Variants in RBFOX1 observed in about 807,000 individuals in gnomAD.
RBFOX1 encodes RNA binding protein fox-1 homolog 1.
A neutral mutation model predicts 57.7 loss-of-function variants in RBFOX1; 8 were observed. The ratio of observed to expected loss-of-function variants is 0.14; its 90% CI spans 0.08 to 0.25. RBFOX1 has a LOEUF of 0.25. Ranked by LOEUF, RBFOX1 falls within the 10% of genes least tolerant of loss-of-function variation. The pLI, the probability that RBFOX1 is intolerant of heterozygous loss-of-function variation, is 1.00. For missense variants in RBFOX1, 611 were observed against 548.5 expected (o/e 1.11, Z -1.14); for synonymous variants, 326 against 222.4 (o/e 1.47, Z -4.15).
chr16:5,360,897 A>G (rs1177346954), intron 1 of RBFOX1, among the ~76,000 whole-genome samples: 1 of 152,178 alleles, frequency 6.6e-6, no homozygotes, highest in East Asian at 1.9e-4. Flanking sequence ...CAGCAGCACA[A>G]GCACATCAAG....
At chr16:7,065,660 A>G (rs968962365) in intron 4 of RBFOX1, among the ~76,000 whole-genome samples, 1 of 152,166 alleles carries the variant, frequency 6.6e-6, no homozygotes, top group South Asian at 2.1e-4. Context: ...TTAGGGTAAG[A>G]ATACTTAAAA....
At chr16:6,704,204 G>A (rs551891251) in intron 3 of RBFOX1, 29 of 152,318 alleles carry the variant, frequency 1.9e-4, no homozygotes, top group African/African-American at 5.8e-4. Flanking sequence ...TCATGCAGGA[G>A]TTAAAAACCT....
intron 4 of RBFOX1, among the ~76,000 whole-genome samples, chr16:7,059,594 C>T (rs2053605469): frequency 6.6e-6 from 1 of 152,086 alleles, no homozygotes; most frequent in Non-Finnish European, 1.5e-5. Context: ...ACAAGAGATG[C>T]TGTGTAAAAG....
At chr16:6,851,572 T>G (rs535490057) in intron 3 of RBFOX1, among the ~76,000 whole-genome samples, 1 of 152,334 alleles carries the variant, frequency 6.6e-6, no homozygotes, top group African/African-American at 2.4e-5. Context: ...CTCTGCCAAA[T>G]TGTAAGAGCT....
At chr16:6,308,210 T>C (rs1474288588) in intron 1 of RBFOX1, among the ~76,000 whole-genome samples, 1 of 152,170 alleles carries the variant, frequency 6.6e-6, no homozygotes, top group Non-Finnish European at 1.5e-5. Flanking sequence ...TATTTATCTA[T>C]TTGGATGGTT....
chr16:5,609,030 T>C (rs2047683969), intron 3 of RBFOX1, among the ~76,000 whole-genome samples: 1 of 152,196 alleles, frequency 6.6e-6, no homozygotes, highest in Non-Finnish European at 1.5e-5. Flanking sequence ...ACACATAGCT[T>C]TTAATCAAGA....
chr16:6,365,779 T>C (rs2089492245), intron 2 of RBFOX1, among the ~76,000 whole-genome samples: 1 of 152,218 alleles, frequency 6.6e-6, no homozygotes, highest in Admixed American at 6.5e-5. Flanking sequence ...TTAACCTCAG[T>C]ATCCATGTCT....
intron 1 of RBFOX1, among the ~76,000 whole-genome samples, chr16:6,025,507 G>C (rs1486088414): frequency 6.6e-6 from 1 of 152,160 alleles, no homozygotes; most frequent in Non-Finnish European, 1.5e-5. Context: ...ATGTGTTCTT[G>C]TGTGCCTGCA....
At chr16:6,390,459 G>A (rs1452010305) in intron 2 of RBFOX1, among the ~76,000 whole-genome samples, 1 of 152,008 alleles carries the variant, frequency 6.6e-6, no homozygotes, top group Non-Finnish European at 1.5e-5. Flanking sequence ...ACTTCAGTGT[G>A]CCGGGCACTG....
At chr16:5,604,005 G>A (rs946749390), downstream of RBFOX1, among the ~76,000 whole-genome samples, 10 of 148,988 alleles carry the variant, frequency 6.7e-5, no homozygotes, top group Non-Finnish European at 1.5e-4. Context: ...GCAGACATTA[G>A]TAATCAATGG....
intron 2 of RBFOX1, among the ~76,000 whole-genome samples, chr16:6,499,720 A>G (rs999712656): frequency 1.3e-5 from 2 of 152,010 alleles, no homozygotes; most frequent in African/African-American, 4.8e-5. Context: ...CCCCTGATTT[A>G]TTGTGCAATC....
intron 2 of RBFOX1, among the ~76,000 whole-genome samples, chr16:5,477,815 C>G (rs2069384640): frequency 6.6e-6 from 1 of 152,166 alleles, no homozygotes; most frequent in Admixed American, 6.5e-5. Flanking sequence ...GACGTGTTGT[C>G]TCACTGAAGG....
At chr16:6,049,490 A>T (rs2095530256) in intron 1 of RBFOX1, among the ~76,000 whole-genome samples, 1 of 152,134 alleles carries the variant, frequency 6.6e-6, no homozygotes, top group African/African-American at 2.4e-5. Flanking sequence ...GTCTCATGCT[A>T]CTAGTCTTAA....
chr16:5,809,623 AG>A (rs1341789696), intron 3 of RBFOX1, among the ~76,000 whole-genome samples: 3 of 152,242 alleles, frequency 2.0e-5, no homozygotes, highest in Admixed American at 6.5e-5. Context: ...AACCACGATG[AG>A]ATACCATCTC....
At chr16:7,259,295 C>G (rs1340861162) in intron 4 of RBFOX1, among the ~76,000 whole-genome samples, 5 of 152,166 alleles carry the variant, frequency 3.3e-5, no homozygotes, top group African/African-American at 1.2e-4. Context: ...GGCTTAAACC[C>G]TATGGAAACA....
At chr16:6,216,055 C>G (rs901029160) in intron 1 of RBFOX1, among the ~76,000 whole-genome samples, 1 of 152,076 alleles carries the variant, frequency 6.6e-6, no homozygotes, top group African/African-American at 2.4e-5. Flanking sequence ...TGCATGTTCT[C>G]GCTTGTAAGA....
At chr16:7,672,886 A>AAAAAAAAAAC (rs2071997232) in intron 13 of RBFOX1, among the ~76,000 whole-genome samples, 1 of 148,744 alleles carries the variant, frequency 6.7e-6, no homozygotes, top group Non-Finnish European at 1.5e-5. Context: ...AAAAAAAAAA[A>AAAAAAAAAAC]AAGAACATAT....
chr16:7,119,452 G>C (rs2066627544), intron 4 of RBFOX1, among the ~76,000 whole-genome samples: 1 of 152,032 alleles, frequency 6.6e-6, no homozygotes, highest in Non-Finnish European at 1.5e-5. Context: ...CTAGTAAACT[G>C]ACCACTGACA....
intron 4 of RBFOX1, among the ~76,000 whole-genome samples, chr16:7,316,355 C>G (rs536290320): frequency 1.3e-5 from 2 of 152,186 alleles, no homozygotes; most frequent in Non-Finnish European, 2.9e-5. Context: ...ATTGCATGAT[C>G]TGTTTACAGA....
Sources: allele counts gnomAD v4.1 joint callset (sites outside exome capture counted in the v4.1 genomes callset), GRCh38; gene constraint gnomAD v4.1.1; transcripts MANE v1.5; gene names NCBI Gene and HGNC (gene_info 2026-07-23, HGNC 2026-07-21).